PTPRS: variants seen among roughly 807,000 people sequenced by gnomAD.
PTPRS encodes the protein protein tyrosine phosphatase receptor type S, also known as receptor-type tyrosine-protein phosphatase S.
In PTPRS, 63 loss-of-function variants were observed where a neutral mutation model predicts 215.3. The ratio of observed to expected loss-of-function variants is 0.29; its 90% CI spans 0.24 to 0.36. The LOEUF (loss-of-function observed/expected upper bound fraction) is 0.36, where lower values mean the gene tolerates loss of function less well. Ranked by LOEUF, PTPRS falls within the 10% of genes least tolerant of loss-of-function variation. The probability of loss-of-function intolerance (pLI) is 1.00; values close to 1 mark genes in which losing one functional copy is unlikely to be tolerated. For synonymous variants in PTPRS, 1,404 were observed against 1,191.4 expected, an observed-to-expected ratio of 1.18 and a Z score of -3.68; for missense variants, 2,258 against 2,825.8, an observed-to-expected ratio of 0.80 and a Z score of 4.56.
At chr19:5,264,587 A>C (rs1568512638) in intron 5 of PTPRS, among the ~76,000 whole-genome samples, 1 of 152,180 alleles carries the variant, frequency 6.6e-6, no homozygotes, top group Admixed American at 6.5e-5. Context: ...CTCGGATTAC[A>C]GGCATAAGCC....
At chr19:5,253,257 G>A (rs1414355814) in intron 9 of PTPRS, among the ~76,000 whole-genome samples, 1 of 152,150 alleles carries the variant, frequency 6.6e-6, no homozygotes, top group African/African-American at 2.4e-5. Context: ...TAAATTTCAG[G>A]AGGAGAAGGG....
intron 12 of PTPRS, among the ~76,000 whole-genome samples, chr19:5,239,268 GAC>G (rs1176515817): frequency 6.6e-6 from 1 of 151,764 alleles, no homozygotes; most frequent in African/African-American, 2.4e-5. Context: ...GAGAGGTAGA[GAC>G]AGAGATACAG....
At chr19:5,283,252 GCCTGTAACCCCAGCACTTTCT>G (rs1297696340) in intron 2 of PTPRS, among the ~76,000 whole-genome samples, 8 of 151,150 alleles carry the variant, frequency 5.3e-5, no homozygotes, top group South Asian at 4.3e-4. Flanking sequence ...GTTCCCCTAT[GCCTGTAACCCCAGCACTTTCT>G]CCTGTCACCC....
intron 1 of PTPRS, among the ~76,000 whole-genome samples, chr19:5,334,062 GCAGC>G (rs1290902958): frequency 6.6e-6 from 1 of 152,084 alleles, no homozygotes; most frequent in African/African-American, 2.4e-5. Flanking sequence ...AGCTCCCAAG[GCAGC>G]CACGTGTCCT....
chr19:5,239,163 GGGAGA>G (rs2043769623), intron 12 of PTPRS, 100 bp from the exon 13 acceptor site: 8 of 571,162 alleles, frequency 1.4e-5, no homozygotes, highest in Non-Finnish European at 2.0e-5. Context: ...AGGGGGGAGG[GGGAGA>G]GAGAGAGAGA....
At position 5,339,480 on chromosome 19, in the gene PTPRS, G is replaced by C. The variant is rs1156622280; in HGVS notation, c.-95+1184C>G. Among the ~76,000 whole-genome samples the C allele has an allele frequency of 2.6e-5, 4 of 151,908 alleles. No homozygotes were observed. Among genetic ancestry groups the C allele is most frequent in the Admixed American group, 2.0e-4 (3 of 15,260 alleles). ...GTTTGTGGGAAAGGTTCCCTGATTT[G>C]AGGATTCTGGAGAGAAAGCGGCCGA... On this transcript the variant is annotated intron_variant, in intron 1 of 37. Coordinates refer to ENST00000262963, the MANE Select transcript of PTPRS (RefSeq NM_002850.4). The surrounding 1 kb of genome is among the most constrained non-coding windows in gnomAD (Gnocchi z 4.2).
At chr19:5,334,924 G>A (rs549249068) in intron 1 of PTPRS, among the ~76,000 whole-genome samples, 110 of 152,292 alleles carry the variant, frequency 7.2e-4, no homozygotes, top group Non-Finnish European at 9.4e-4. Context: ...GGCCTGGCAC[G>A]GGGCGCCAAC....
intron 9 of PTPRS, among the ~76,000 whole-genome samples, chr19:5,249,055 G>A (rs10408412): frequency 0.15 from 23,063 of 152,230 alleles, 3,308 homozygotes; most frequent in African/African-American, 0.38. Flanking sequence ...TCATGCCTGT[G>A]ATCCCAGCAC....
At chr19:5,268,068 G>T (rs1376505128) in intron 4 of PTPRS, among the ~76,000 whole-genome samples, 1 of 152,134 alleles carries the variant, frequency 6.6e-6, no homozygotes, top group Non-Finnish European at 1.5e-5. Flanking sequence ...TACTCGGGAG[G>T]CTGAGGCAGG....
In PTPRS at chr19:5,240,200, T is replaced by C; in HGVS notation, c.1703A>G (p.Glu568Gly). 1 of 1,541,602 alleles carries C rather than the reference T, an allele frequency of 6.5e-7. No homozygotes were observed. The highest frequency in any genetic ancestry group is 8.7e-7 in the Non-Finnish European group (1 of 1,143,188). The stretch of plus-strand genomic sequence containing the variant: ...CAGCCCGTCCCCGCGCTGCCTCACC[T>C]CCCGGCCATGGTCGCCTTCCCGGAA... The part of the protein sequence containing the change: ...LLFREGDHGR[E>G]VGRTFDPTTS... Residue 568 changes from glutamate (E) to glycine (G), a missense_variant and splice_region_variant, in exon 12 of 38, where the codon GAG becomes GGG. Glu to Gly is a moderately conservative substitution (Grantham distance 98). Coordinates refer to ENST00000262963, the MANE Select transcript of PTPRS (RefSeq NM_002850.4).
intron 11 of PTPRS, among the ~76,000 whole-genome samples, chr19:5,242,403 G>T (rs1393443615): frequency 6.6e-6 from 1 of 151,792 alleles, no homozygotes; most frequent in East Asian, 2.0e-4. Flanking sequence ...TTTGAGCAGG[G>T]TCTCGCTCTG....
chr19:5,238,850 G>A, intron 13 of PTPRS, 69 bp downstream of exon 13: 1 of 1,482,686 alleles, frequency 6.7e-7, no homozygotes, highest in Non-Finnish European at 8.9e-7. Flanking sequence ...GGGTCCGTCT[G>A]CCGAGGGGCT....
At chr19:5,216,355 T>C (rs916983179) in intron 26 of PTPRS, among the ~76,000 whole-genome samples, 18 of 152,146 alleles carry the variant, frequency 1.2e-4, no homozygotes, top group African/African-American at 3.4e-4. Flanking sequence ...TCAGGTGGTT[T>C]CCAGACCAGC....
chr19:5,254,162 C>A (rs975689387), intron 9 of PTPRS, among the ~76,000 whole-genome samples: 2 of 152,152 alleles, frequency 1.3e-5, no homozygotes, highest in South Asian at 2.1e-4. Flanking sequence ...GCTGGGAGAC[C>A]CCTTTCTGCC....
intron 4 of PTPRS, among the ~76,000 whole-genome samples, chr19:5,270,284 C>T (rs150648307): frequency 0.014 from 1,535 of 112,742 alleles, 5 homozygotes; most frequent in Middle Eastern, 0.047. Flanking sequence ...ATCTTTTCTT[C>T]CCCCTCCCCC....
At chr19:5,254,136 T>C (rs1253761535) in intron 9 of PTPRS, among the ~76,000 whole-genome samples, 1 of 152,194 alleles carries the variant, frequency 6.6e-6, no homozygotes, top group Non-Finnish European at 1.5e-5. Flanking sequence ...CACCAGCACC[T>C]AGCTTTGGTG....
chr19:5,289,173 C>A (rs576748750), intron 1 of PTPRS, among the ~76,000 whole-genome samples: 1 of 152,176 alleles, frequency 6.6e-6, no homozygotes, highest in African/African-American at 2.4e-5. Flanking sequence ...CCCTGCACAC[C>A]CACAATCCTC....
rs2049101796 is a variant in PTPRS at position 5,295,267 on chromosome 19, A to G, written c.-94-9033T>C. ...GGCTTGGGGCTGCATGACCTGCAGC[A>G]TACAGGCCTGGCTCTGGGCTGCCCA... On this transcript the variant is annotated intron_variant, in intron 1 of 37. Coordinates refer to ENST00000262963, the MANE Select transcript of PTPRS (RefSeq NM_002850.4). The surrounding 1 kb of genome is among the most constrained non-coding windows in gnomAD (Gnocchi z 4.6). 6.6e-6 allele frequency among the ~76,000 whole-genome samples: 1 copy of G among 152,348 alleles called. No individual in the cohort carries two copies. The highest frequency in any genetic ancestry group is 2.4e-5 in the African/African-American group (1 of 41,594).
rs995307383 is a variant in PTPRS at position 5,287,333 on chromosome 19, A to T, written c.-94-1099T>A. ...ACTAAGGTTATCCTCCGTGGTATTC[A>T]CCCTGGTTCCCAAACTAAATGAAAA... On this transcript the variant is annotated intron_variant, in intron 1 of 37. Coordinates refer to ENST00000262963, the MANE Select transcript of PTPRS (RefSeq NM_002850.4). This position sits in a 1 kb window ranked among gnomAD's most constrained non-coding sequence, Gnocchi z 4.8. 6.6e-6 allele frequency among the ~76,000 whole-genome samples: 1 copy of T among 152,092 alleles called. No homozygotes were observed. The highest frequency in any genetic ancestry group is 1.5e-5 in the Non-Finnish European group (1 of 68,026).
Sources: allele counts gnomAD v4.1 joint callset (sites outside exome capture counted in the v4.1 genomes callset), GRCh38; gene constraint gnomAD v4.1.1; non-coding constraint Gnocchi (gnomAD v3.1); transcripts MANE v1.5; gene names NCBI Gene and HGNC (gene_info 2026-07-23, HGNC 2026-07-21).